YTHDF1: variants seen among roughly 807,000 people sequenced by gnomAD.
YTHDF1 encodes the protein YTH N6-methyladenosine RNA binding protein F1.
Under a neutral mutation model 49.1 loss-of-function variants are expected in YTHDF1, and 16 were observed. The ratio of observed to expected loss-of-function variants is 0.33; its 90% CI spans 0.22 to 0.49. The LOEUF is 0.49. YTHDF1 is among the 20% of genes least tolerant of loss of function. YTHDF1 has a pLI of 0.99. For missense variants in YTHDF1, 621 were observed against 744.3 expected (o/e 0.83, Z 1.93); for synonymous variants, 313 against 290.1 (o/e 1.08, Z -0.80).
In YTHDF1 at chr20:63,196,485, C is replaced by G. The variant is rs2122968135; in HGVS notation, c.*223G>C. 1 of 452,672 alleles carries G rather than the reference C, an allele frequency of 2.2e-6. No homozygotes were observed. Among genetic ancestry groups the G allele is most frequent in the Non-Finnish European group, 3.9e-6 (1 of 253,632 alleles). The allele number at this position is 452,672 out of a possible 1,614,324, so 28.0% of individuals were successfully genotyped here. A position where few individuals can be genotyped will look rare whatever the true frequency, so the allele number is the denominator to read the frequency against. ...ACATTAGATCAGTCTGATTGATAAG[C>G]TGACAAAAAAAATACTCCTTTATTA... is the stretch of plus-strand genomic sequence containing the variant. On this transcript the variant is annotated 3_prime_UTR_variant, in exon 5 of 5. Coordinates refer to ENST00000370339, the MANE Select transcript of YTHDF1 (RefSeq NM_017798.4).
intron 3 of YTHDF1, among the ~76,000 whole-genome samples, chr20:63,204,022 C>A (rs986013365): frequency 1.3e-5 from 2 of 152,158 alleles, no homozygotes; most frequent in Non-Finnish European, 2.9e-5. Flanking sequence ...TCTCAAAATA[C>A]GAAGCATCAT....
intron 3 of YTHDF1, among the ~76,000 whole-genome samples, chr20:63,212,088 A>G (rs1651041560): frequency 1.3e-5 from 2 of 152,192 alleles, no homozygotes; most frequent in South Asian, 4.1e-4. Flanking sequence ...TACTAAAATA[A>G]TAAGAACACA....
Position 63,203,298 on chromosome 20 carries a change from A to G in YTHDF1, c.642T>C (p.Gly214=). ...TTGTCCCACCGTTGCCAGAAAGGAC[A>G]CCAGTCAGTGCCACGCTGCTGACGA... ...GSVVSSVALT[G]VLSGNGGTNV... is the part of the protein sequence containing the mutation. The change falls in exon 4 of 5, where the codon GGT becomes GGC. Residue 214 remains glycine (G), a synonymous_variant. Transcript: ENST00000370339. The surrounding 1 kb of genome is among the most constrained non-coding windows in gnomAD (Gnocchi z 4.4). 6.2e-7 allele frequency: 1 copy of G among 1,613,716 alleles called. No homozygotes were observed. The highest frequency in any genetic ancestry group is 1.3e-5 in the African/African-American group (1 of 75,052).
rs368146065 is a variant in YTHDF1, at chr20:63,202,258, T to A, written c.1653+29A>T. The A allele has an allele frequency of 9.2e-5, 147 of 1,596,116 alleles. 1 individual carries two copies. In the South Asian group the frequency reaches 1.6e-3, roughly 17 times the overall value. On this transcript the variant is annotated intron_variant, in intron 4 of 4. Transcript: ENST00000370339. Reference sequence around the variant, plus strand: ...GTACGGCACCAAGGACACATCTGCATGGCAGTTGCCTGCAACACCCAGCCT... The same window carrying A: ...GTACGGCACCAAGGACACATCTGCAAGGCAGTTGCCTGCAACACCCAGCCT...
In YTHDF1 at chr20:63,203,597, T is replaced by C. The variant is rs749213332; in HGVS notation, c.343A>G (p.Ile115Val). The change falls in exon 4 of 5, where the codon ATC becomes GTC. Residue 115 changes from isoleucine (I) to valine (V), a missense_variant. Physicochemically the swap from Ile to Val is conservative, Grantham distance 29. Around this residue, in one of 2 missense-constraint regions of YTHDF1, gnomAD observed 470 missense variants for 495.8 expected, o/e 0.95. Transcript: ENST00000370339. This position sits in a 1 kb window ranked among gnomAD's most constrained non-coding sequence, Gnocchi z 4.4. Reference protein sequence around the residue: ...FGQPGGLGNNIYQHRFNFFPE... With the variant: ...FGQPGGLGNNVYQHRFNFFPE... ...AAAAAATTGAACCTGTGCTGATAGA[T>C]GTTGTTCCCCAGGCCCCCAGGCTGC... is the stretch of plus-strand genomic sequence containing the variant. 1.9e-6 allele frequency: 3 copies of C among 1,614,118 alleles called. No homozygotes were observed. The highest frequency in any genetic ancestry group is 2.2e-5 in the South Asian group (2 of 91,078).
At chr20:63,209,419 T>C (rs1297119266) in intron 3 of YTHDF1, among the ~76,000 whole-genome samples, 1 of 152,256 alleles carries the variant, frequency 6.6e-6, no homozygotes, top group African/African-American at 2.4e-5. Context: ...GTTATATCCT[T>C]ATTCCATAAG....
At position 63,202,670 on chromosome 20, in the gene YTHDF1, C is replaced by T. The variant is rs2066523172; in HGVS notation, c.1270G>A (p.Ala424Thr). The change falls in exon 4 of 5, where the codon GCC becomes ACC. Residue 424 changes from alanine to threonine, a missense_variant. This residue lies in a region of YTHDF1 where 151 missense variants were observed against 248.5 expected (regional missense o/e 0.61). Transcript: ENST00000370339. Reference protein sequence around the residue: ...TEHGNKRLDSAFRCMSSKGPV... With the variant: ...TEHGNKRLDSTFRCMSSKGPV... Reference sequence around the variant, plus strand: ...CCCTTGCTGCTCATGCAGCGGAAGGCGCTGTCCAGGCGCTTGTTGCCGTGC... The same window carrying T: ...CCCTTGCTGCTCATGCAGCGGAAGGTGCTGTCCAGGCGCTTGTTGCCGTGC... The T allele has an allele frequency of 6.2e-7, 1 of 1,613,918 alleles. No homozygotes were observed. Among genetic ancestry groups the T allele is most frequent in the Non-Finnish European group, 8.5e-7 (1 of 1,180,042 alleles).
chr20:63,215,948 A>G lies in YTHDF1; in HGVS notation c.-56T>C. On this transcript the variant is annotated 5_prime_UTR_variant, in exon 1 of 5. Coordinates refer to ENST00000370339, the MANE Select transcript of YTHDF1 (RefSeq NM_017798.4). ...GCGCCCGCCGGCTCGGGCCTCCCCT[A>G]GAGGCCGGGCCTGTCACCCTAGCTC... The G allele has an allele frequency of 7.8e-7, 1 of 1,282,338 alleles. No homozygotes were observed. The highest frequency in any genetic ancestry group is 1.6e-5 in the African/African-American group (1 of 63,510). 79.4% of individuals were successfully genotyped at this position (1,282,338 alleles called of 1,614,324 possible). A position where few individuals can be genotyped will look rare whatever the true frequency, so the allele number is the denominator to read the frequency against.
rs534005764 is a variant in YTHDF1, at chr20:63,202,470, C to T, written c.1470G>A (p.Arg490=). The change falls in exon 4 of 5, where the codon CGG becomes CGA. Residue 490 remains arginine, a synonymous_variant. Coordinates refer to ENST00000370339, the MANE Select transcript of YTHDF1 (RefSeq NM_017798.4). ...FVKDVPNNQL[R]HIRLENNDNK... is the part of the protein sequence containing the mutation. ...TGTCGTTATTCTCCAGCCTGATGTG[C>T]CGGAGCTGGTTATTGGGTACATCCT... 6 of 1,614,282 alleles carry T rather than the reference C, an allele frequency of 3.7e-6. No homozygotes were observed. In the South Asian group the frequency reaches 5.5e-5, roughly 15 times the overall value.
chr20:63,197,228 G>T (rs1380202485), intron 4 of YTHDF1, among the ~76,000 whole-genome samples: 1 of 152,214 alleles, frequency 6.6e-6, no homozygotes, highest in Admixed American at 6.5e-5. Context: ...CTAACAAGGT[G>T]CTGTGTCATG....
chr20:63,207,475 C>A (rs2066552815), intron 3 of YTHDF1, among the ~76,000 whole-genome samples: 1 of 149,450 alleles, frequency 6.7e-6, no homozygotes, highest in East Asian at 2.0e-4. Flanking sequence ...TCCCCCCCAC[C>A]CCCCTCCAAA....
At chr20:63,205,595 G>A (rs891586425) in intron 3 of YTHDF1, among the ~76,000 whole-genome samples, 4 of 150,086 alleles carry the variant, frequency 2.7e-5, no homozygotes, top group South Asian at 2.2e-4. Context: ...TGCAACCTCC[G>A]CCTCCCAGGT....
In YTHDF1 at chr20:63,202,184, A is replaced by G. The variant is rs933466872; in HGVS notation, c.1653+103T>C. The G allele has an allele frequency of 6.2e-6, 9 of 1,453,220 alleles. No individual in the cohort carries two copies. The African/African-American group carries it at 7.1e-5, about 11-fold the overall frequency. 90.0% of individuals were successfully genotyped at this position (1,453,220 alleles called of 1,614,324 possible). A position where few individuals can be genotyped will look rare whatever the true frequency, so the allele number is the denominator to read the frequency against. On this transcript the variant is annotated intron_variant, in intron 4 of 4. Transcript: ENST00000370339. Reference sequence around the variant, plus strand: ...CTGGGAGCTGCCTGTCACGAGACTCAGCTCGGCGGACCTGCCGCATCTGCT... The same window carrying G: ...CTGGGAGCTGCCTGTCACGAGACTCGGCTCGGCGGACCTGCCGCATCTGCT...
At chr20:63,215,804 G>A in intron 1 of YTHDF1, 62 bp downstream of exon 1, 1 of 1,451,380 alleles carries the variant, frequency 6.9e-7, no homozygotes, top group Non-Finnish European at 9.1e-7. Context: ...CCAGCCCCAG[G>A]ACCTCAACCC....
chr20:63,212,729 A>G (rs1389871030), intron 3 of YTHDF1, among the ~76,000 whole-genome samples: 3 of 152,214 alleles, frequency 2.0e-5, no homozygotes, highest in Non-Finnish European at 4.4e-5. Context: ...AGCTCCCAGT[A>G]GATTTTAACC....
intron 2 of YTHDF1, 25 bp from the exon 3 acceptor site, chr20:63,213,968 T>C: frequency 6.4e-7 from 1 of 1,566,616 alleles, no homozygotes; most frequent in Non-Finnish European, 8.6e-7. Flanking sequence ...TGCAAAATAT[T>C]ACCCTCAAAT....
intron 3 of YTHDF1, among the ~76,000 whole-genome samples, chr20:63,204,459 G>C (rs1601235191): frequency 1.3e-5 from 2 of 152,272 alleles, no homozygotes; most frequent in South Asian, 4.2e-4. Flanking sequence ...AAGTCCAAGG[G>C]GGTTCACATT....
intron 3 of YTHDF1, among the ~76,000 whole-genome samples, chr20:63,210,756 C>A (rs1041221529): frequency 1.3e-5 from 2 of 152,116 alleles, no homozygotes; most frequent in African/African-American, 2.4e-5. Context: ...CCACTGCACT[C>A]CATCCTGGGC....
chr20:63,197,457 A>C (rs1177435273), intron 4 of YTHDF1, among the ~76,000 whole-genome samples: 1 of 152,090 alleles, frequency 6.6e-6, no homozygotes. Flanking sequence ...TGAGACTTAC[A>C]CCCGAATCTT....
Sources: gnomAD v4.1 joint callset for allele counts (sites outside exome capture counted in the v4.1 genomes callset) on GRCh38, gnomAD v4.1.1 for gene constraint, gnomAD v4.1.1 regional missense constraint, Gnocchi (gnomAD v3.1) non-coding constraint, MANE v1.5 for transcripts, NCBI Gene and HGNC (gene_info 2026-07-23, HGNC 2026-07-21) for gene names.